Variants in PXMP4 observed in about 807,000 individuals in gnomAD.
PXMP4 encodes 24 kDa peroxisomal intrinsic membrane protein.
PXMP4 carries 16 observed loss-of-function variants against 21.6 expected under a neutral mutation model. That is an observed-to-expected ratio of 0.74 (90% CI 0.50 to 1.13). The LOEUF is 1.13. PXMP4 is among the 50% of genes most tolerant of loss of function. PXMP4 has a pLI of 0.00. For synonymous variants in PXMP4, 127 were observed against 123.8 expected (o/e 1.03, Z -0.17); for missense variants, 240 against 277.7 (o/e 0.86, Z 0.96).
intron 2 of PXMP4, among the ~76,000 whole-genome samples, chr20:33,711,769 A>C (rs543239214): frequency 6.6e-6 from 1 of 152,162 alleles, no homozygotes; most frequent in African/African-American, 2.4e-5. Context: ...ACACGGGCAG[A>C]TCCCTTGAGC....
At chr20:33,708,784 T>A (rs1202006056) in intron 3 of PXMP4, among the ~76,000 whole-genome samples, 2 of 151,148 alleles carry the variant, frequency 1.3e-5, no homozygotes, top group Non-Finnish European at 3.0e-5. Context: ...TCTGCCTCCC[T>A]GGTTCAAGCG....
chr20:33,710,012 C>G (rs1282492123), intron 3 of PXMP4, among the ~76,000 whole-genome samples: 1 of 145,512 alleles, frequency 6.9e-6, no homozygotes, highest in Non-Finnish European at 1.5e-5. Context: ...TACACTGACC[C>G]ACACCCCTTC....
chr20:33,715,045 G>A (rs2018369342), intron 1 of PXMP4, among the ~76,000 whole-genome samples: 1 of 151,970 alleles, frequency 6.6e-6, no homozygotes, highest in Non-Finnish European at 1.5e-5. Context: ...GCTCACTGCA[G>A]CCCTGAACTC....
At chr20:33,715,841 CTTT>C (rs11475452) in intron 1 of PXMP4, among the ~76,000 whole-genome samples, 6 of 123,874 alleles carry the variant, frequency 4.8e-5, no homozygotes, top group Admixed American at 8.7e-5. Context: ...CAGCCAGTCT[CTTT>C]TTTTTTTTTT....
At chr20:33,712,820 G>A (rs889665459) in intron 2 of PXMP4, among the ~76,000 whole-genome samples, 4 of 152,130 alleles carry the variant, frequency 2.6e-5, no homozygotes, top group East Asian at 1.9e-4. Context: ...TAGTAGAGAC[G>A]GGGTTTCACC....
Position 33,707,967 on chromosome 20 carries a change from G to A in PXMP4, c.378C>T (p.Ile126=), listed in dbSNP as rs760924192. The A allele has an allele frequency of 7.4e-6, 12 of 1,611,280 alleles. No homozygotes were observed. In the Admixed American group the frequency reaches 2.0e-4, roughly 27 times the overall value. Residue 126 remains isoleucine, a splice_region_variant and synonymous_variant, in exon 4 of 4, where the codon ATC becomes ATT. Coordinates refer to ENST00000409299, the MANE Select transcript of PXMP4 (RefSeq NM_007238.5). ...FGENNNINSQ[I]NMYLLSRVLF... ...GGACGCGTGACAACAGGTACATGTT[G>A]ATCTGCAAAGAGGGAATGATGGGAA...
intron 1 of PXMP4, among the ~76,000 whole-genome samples, chr20:33,715,650 C>T (rs996982351): frequency 6.6e-6 from 1 of 151,812 alleles, no homozygotes; most frequent in Non-Finnish European, 1.5e-5. Flanking sequence ...TGGTCTCAAA[C>T]TCCTGAGCTC....
intron 2 of PXMP4, among the ~76,000 whole-genome samples, chr20:33,713,323 T>C (rs569275898): frequency 9.2e-5 from 14 of 152,296 alleles, no homozygotes; most frequent in African/African-American, 3.1e-4. Context: ...GCTATGCCCG[T>C]GGCCTGGAAC....
chr20:33,711,462 C>T (rs1033810620), intron 2 of PXMP4, among the ~76,000 whole-genome samples: 3 of 152,060 alleles, frequency 2.0e-5, no homozygotes, highest in African/African-American at 7.2e-5. Flanking sequence ...GGGCAGAGAA[C>T]CAGAGAGTTT....
At position 33,717,660 on chromosome 20, in the gene PXMP4, T is replaced by TAAAAAAAA. The variant is rs2018398410; in HGVS notation, c.113+2434_113+2435insTTTTTTTT. The stretch of plus-strand genomic sequence containing the variant: ...GTCTCAAAAAAAAAAAAAAAAAAAT[T>TAAAAAAAA]ATTAAATATTTTAAATGTTACATAA... On this transcript the variant is annotated intron_variant, in intron 1 of 3. Transcript: ENST00000409299. Among the ~76,000 whole-genome samples, 42 of 108,978 alleles carry TAAAAAAAA rather than the reference T, an allele frequency of 3.9e-4. 1 individual carries two copies. Among genetic ancestry groups the TAAAAAAAA allele is most frequent in the African/African-American group, 1.7e-3 (41 of 24,164 alleles). The allele number at this position is 108,978 out of a possible 152,430, so 71.5% of individuals were successfully genotyped here. A position where few individuals can be genotyped will look rare whatever the true frequency, so the allele number is the denominator to read the frequency against.
intron 2 of PXMP4, among the ~76,000 whole-genome samples, chr20:33,713,877 G>A (rs1379034515): frequency 6.6e-6 from 1 of 152,210 alleles, no homozygotes; most frequent in Admixed American, 6.5e-5. Flanking sequence ...GTGCCTTGAG[G>A]GAAGAGCTAC....
In PXMP4 at chr20:33,707,402, A is replaced by G. The variant is rs942739184; in HGVS notation, c.*304T>C. The G allele has an allele frequency of 3.0e-6, 1 of 330,294 alleles. No individual in the cohort carries two copies. The allele number at this position is 330,294 out of a possible 1,614,324, so 20.5% of individuals were successfully genotyped here. On this transcript the variant is annotated 3_prime_UTR_variant, in exon 4 of 4. Coordinates refer to ENST00000409299, the MANE Select transcript of PXMP4 (RefSeq NM_007238.5). The stretch of plus-strand genomic sequence containing the variant: ...AACATACCCACCGGAAAGAGACCTC[A>G]GGGCCCTCCTCTGAGCTCCTTGACC...
At chr20:33,719,005 C>G (rs112356234) in intron 1 of PXMP4, among the ~76,000 whole-genome samples, 8,927 of 151,978 alleles carry the variant, frequency 0.059, 287 homozygotes, top group South Asian at 0.092. Flanking sequence ...AAGCGGTTCT[C>G]CTGCCTCAGC....
chr20:33,719,116 G>A (rs1169361234), intron 1 of PXMP4, among the ~76,000 whole-genome samples: 2 of 152,150 alleles, frequency 1.3e-5, no homozygotes, highest in East Asian at 1.9e-4. Flanking sequence ...GGCTAGTCTC[G>A]AACTCCTGAC....
chr20:33,707,748 G>C lies in PXMP4; in HGVS notation c.597C>G (p.Ile199Met). Residue 199 changes from isoleucine (I) to methionine (M), a missense_variant, in exon 4 of 4, where the codon ATC (isoleucine) becomes ATG (methionine). Ile to Met is a conservative substitution (Grantham distance 10). Transcript: ENST00000409299. ...TCTTGTTATAGACGAGGAAGTCTGA[G>C]ATGTCGTGCCATACATTGCTGTCCT... The part of the protein sequence containing the change: ...LYEDSNVWHD[I>M]SDFLVYNKSR... The C allele has an allele frequency of 6.2e-7, 1 of 1,614,160 alleles. No homozygotes were observed. Among genetic ancestry groups the C allele is most frequent in the Non-Finnish European group, 8.5e-7 (1 of 1,180,038 alleles).
Position 33,707,727 on chromosome 20 carries a change from G to A in PXMP4, c.618C>T (p.Asn206=), listed in dbSNP as rs1568919178. The A allele has an allele frequency of 1.9e-6, 3 of 1,614,100 alleles. No homozygotes were observed. The highest frequency in any genetic ancestry group is 1.3e-5 in the African/African-American group (1 of 75,056). Reference sequence around the variant, plus strand: ...TGCATTAATTGGAGGGACGGCTCTTGTTATAGACGAGGAAGTCTGAGATGT... The same window carrying A: ...TGCATTAATTGGAGGGACGGCTCTTATTATAGACGAGGAAGTCTGAGATGT... ...WHDISDFLVY[N]KSRPSN The change falls in exon 4 of 4, where the codon AAC becomes AAT. Residue 206 remains asparagine (N), a synonymous_variant. Coordinates refer to ENST00000409299, the MANE Select transcript of PXMP4 (RefSeq NM_007238.5).
Position 33,707,613 on chromosome 20 carries a change from G to A in PXMP4, c.*93C>T. 2.0e-6 allele frequency: 3 copies of A among 1,492,790 alleles called. No homozygotes were observed. Among genetic ancestry groups the A allele is most frequent in the African/African-American group, 1.4e-5 (1 of 71,846 alleles). 92.5% of individuals were successfully genotyped at this position (1,492,790 alleles called of 1,614,324 possible). A position where few individuals can be genotyped will look rare whatever the true frequency, so the allele number is the denominator to read the frequency against. On this transcript the variant is annotated 3_prime_UTR_variant, in exon 4 of 4. Coordinates refer to ENST00000409299, the MANE Select transcript of PXMP4 (RefSeq NM_007238.5). ...GAACCCTGGGATAACACCAGTTGGA[G>A]TCTGAGGCCTATGATCTTGAGAAGG... is the stretch of plus-strand genomic sequence containing the variant.
chr20:33,707,536 T>C lies in PXMP4; in HGVS notation c.*170A>G. The C allele has an allele frequency of 2.0e-6, 2 of 1,000,146 alleles. No individual in the cohort carries two copies. The highest frequency in any genetic ancestry group is 3.5e-5 in the South Asian group (2 of 57,966). 62.0% of individuals were successfully genotyped at this position (1,000,146 alleles called of 1,614,324 possible). On this transcript the variant is annotated 3_prime_UTR_variant, in exon 4 of 4. Transcript: ENST00000409299. ...CCTGATTCGGCCACTTGTGCCACCA[T>C]ACAAAGGTACCCACTGGGATTTTAA...
At chr20:33,717,658 A>AAT (rs1555866644) in intron 1 of PXMP4, among the ~76,000 whole-genome samples, 1 of 137,502 alleles carries the variant, frequency 7.3e-6, no homozygotes, top group Non-Finnish European at 1.5e-5. Context: ...AAAAAAAAAA[A>AAT]TTATTAAATA....
Sources: gnomAD v4.1 joint callset for allele counts (sites outside exome capture counted in the v4.1 genomes callset) on GRCh38, gnomAD v4.1.1 for gene constraint, MANE v1.5 for transcripts, NCBI Gene and HGNC (gene_info 2026-07-23, HGNC 2026-07-21) for gene names.